CDH18: variants seen among roughly 807,000 people sequenced by gnomAD.
The protein encoded by CDH18 is cadherin 18.
A neutral mutation model predicts 67.9 loss-of-function variants in CDH18; 31 were observed. The ratio of observed to expected loss-of-function variants is 0.46; its 90% CI spans 0.34 to 0.62. CDH18 has a LOEUF of 0.62. Ranked by LOEUF, CDH18 falls within the 20% of genes least tolerant of loss-of-function variation. The pLI is 0.01. For synonymous variants in CDH18, 362 were observed against 347.2 expected (o/e 1.04, Z -0.48); for missense variants, 890 against 975.5 (o/e 0.91, Z 1.17).
At chr5:19,485,669 G>A (rs116286130) in intron 11 of CDH18, among the ~76,000 whole-genome samples, 1,959 of 152,298 alleles carry the variant, frequency 0.013, 41 homozygotes, top group African/African-American at 0.045. Context: ...CCTGACTTTT[G>A]TGGAAGCAGA....
intron 1 of CDH18, among the ~76,000 whole-genome samples, chr5:20,375,645 A>T (rs945693537): frequency 6.6e-6 from 1 of 151,890 alleles, no homozygotes; most frequent in African/African-American, 2.4e-5. Context: ...CTGTCAATTC[A>T]TTTTTTTTAG....
At chr5:20,351,255 T>C (rs1218789480) in intron 1 of CDH18, among the ~76,000 whole-genome samples, 1 of 143,996 alleles carries the variant, frequency 6.9e-6, no homozygotes, top group Non-Finnish European at 1.5e-5. Context: ...GGGGTTGTTT[T>C]TTTTTTTTGT....
rs115055467 is a variant in CDH18, at chr5:20,190,548, C to T, written c.-518+64896G>A. Among the ~76,000 whole-genome samples the T allele has an allele frequency of 2.6e-3, 402 of 152,084 alleles. 4 individuals are homozygous for T. Among genetic ancestry groups the T allele is most frequent in the African/African-American group, 9.2e-3 (383 of 41,488 alleles). Reference sequence around the variant, plus strand: ...TGGATGGTATTTTTTTAATCTATCCCACTACCTAATTTTTCCAGTTGCTGG... The same window carrying T: ...TGGATGGTATTTTTTTAATCTATCCTACTACCTAATTTTTCCAGTTGCTGG... On this transcript the variant is annotated intron_variant, in intron 2 of 14. Coordinates refer to the CDH18 transcript ENST00000507958.
At chr5:19,926,450 A>C (rs2150184570) in intron 2 of CDH18, among the ~76,000 whole-genome samples, 1 of 152,280 alleles carries the variant, frequency 6.6e-6, no homozygotes, top group African/African-American at 2.4e-5. Context: ...AACAGGGACT[A>C]CATGTACTTA....
At chr5:20,187,429 A>T (rs1738188007) in intron 2 of CDH18, among the ~76,000 whole-genome samples, 1 of 151,874 alleles carries the variant, frequency 6.6e-6, no homozygotes. Context: ...TGGGACCAAG[A>T]CATCATTTTC....
intron 5 of CDH18, among the ~76,000 whole-genome samples, chr5:19,695,813 G>C (rs1762465848): frequency 6.6e-6 from 1 of 152,124 alleles, no homozygotes; most frequent in Non-Finnish European, 1.5e-5. Flanking sequence ...TGAGGAGAGT[G>C]ATTAACTTCA....
At chr5:20,019,519 C>T (rs1258598073) in intron 2 of CDH18, among the ~76,000 whole-genome samples, 1 of 152,094 alleles carries the variant, frequency 6.6e-6, no homozygotes, top group Admixed American at 6.6e-5. Flanking sequence ...TGAGTGAGTT[C>T]TCATGAGACC....
At chr5:20,037,249 A>T (rs1204882435) in intron 2 of CDH18, among the ~76,000 whole-genome samples, 1 of 151,980 alleles carries the variant, frequency 6.6e-6, no homozygotes, top group Non-Finnish European at 1.5e-5. Context: ...ACAGCAGCTG[A>T]TACCGGTATT....
At position 19,879,717 on chromosome 5, in the gene CDH18, T is replaced by C. The variant is rs150797625; in HGVS notation, c.-256-40475A>G. 1.0e-3 allele frequency among the ~76,000 whole-genome samples: 154 copies of C among 152,140 alleles called. 1 individual carries two copies. The highest frequency in any genetic ancestry group is 3.4e-3 in the African/African-American group (143 of 41,570). On this transcript the variant is annotated intron_variant, in intron 2 of 12. Coordinates refer to ENST00000382275, the MANE Select transcript of CDH18 (RefSeq NM_004934.5). ...ATATAGGAAATGGGATATGTGTGCATCACAGAGAGATCATAGATATTTAAT... is the reference window on the plus strand; with the variant it reads ...ATATAGGAAATGGGATATGTGTGCACCACAGAGAGATCATAGATATTTAAT...
At chr5:20,551,258 A>C (rs1757617101) in intron 1 of CDH18, among the ~76,000 whole-genome samples, 1 of 150,892 alleles carries the variant, frequency 6.6e-6, no homozygotes, top group Non-Finnish European at 1.5e-5. Flanking sequence ...ATTTTCCTTC[A>C]TGTAAGATAT....
chr5:19,782,275 G>C (rs1303448344), intron 3 of CDH18, among the ~76,000 whole-genome samples: 1 of 152,086 alleles, frequency 6.6e-6, no homozygotes, highest in Non-Finnish European at 1.5e-5. Context: ...AGACACTTAT[G>C]AAACCATCAG....
intron 2 of CDH18, among the ~76,000 whole-genome samples, chr5:19,944,475 C>T (rs897964469): frequency 1.3e-5 from 2 of 152,130 alleles, no homozygotes; most frequent in African/African-American, 4.8e-5. Flanking sequence ...TTTACTGTGA[C>T]TGGCTGAGAA....
chr5:20,565,771 A>AT (rs1758470939), intron 1 of CDH18, among the ~76,000 whole-genome samples: 1 of 150,586 alleles, frequency 6.6e-6, no homozygotes, highest in Non-Finnish European at 1.5e-5. Context: ...AAAAAAAAAA[A>AT]GTTCCAGCAT....
chr5:20,170,192 G>A (rs1336722545), intron 2 of CDH18, among the ~76,000 whole-genome samples: 1 of 128,366 alleles, frequency 7.8e-6, no homozygotes. Flanking sequence ...CCCACCCCCC[G>A]ACAGGCCCCA....
chr5:20,128,838 G>GT (rs149270032), intron 2 of CDH18, among the ~76,000 whole-genome samples: 7,034 of 152,028 alleles, frequency 0.046, 425 homozygotes, highest in East Asian at 0.27. Context: ...GGACACAGCA[G>GT]TTTTTTTCCC....
At chr5:19,789,345 T>C (rs1364299577) in intron 3 of CDH18, among the ~76,000 whole-genome samples, 1 of 152,182 alleles carries the variant, frequency 6.6e-6, no homozygotes, top group African/African-American at 2.4e-5. Flanking sequence ...TTAATGCATA[T>C]GAAGGAATTA....
chr5:20,094,343 C>T lies in CDH18; in HGVS notation c.-517-102329G>A, dbSNP rs375521289. ...CTATATATCTGTTTTGGTACCAGTA[C>T]CATGCTGTTTTGGTTACTGTTGCCT... is the stretch of plus-strand genomic sequence containing the variant. On this transcript the variant is annotated intron_variant, in intron 2 of 14. Transcript: ENST00000507958. Among the ~76,000 whole-genome samples the T allele has an allele frequency of 2.6e-4, 39 of 152,178 alleles. No individual in the cohort carries two copies. The East Asian group carries it at 6.0e-3, about 23-fold the overall frequency.
At chr5:20,468,080 T>C (rs1402070675) in intron 1 of CDH18, among the ~76,000 whole-genome samples, 1 of 152,052 alleles carries the variant, frequency 6.6e-6, no homozygotes, top group Admixed American at 6.6e-5. Context: ...AGTGGTGCAA[T>C]CTCTGTTCAC....
intron 2 of CDH18, among the ~76,000 whole-genome samples, chr5:19,923,933 C>T (rs1426724243): frequency 6.6e-6 from 1 of 152,170 alleles, no homozygotes; most frequent in Admixed American, 6.5e-5. Context: ...CACCCCATCC[C>T]CCGGTGAGAT....
Sources: gnomAD v4.1 joint callset for allele counts (sites outside exome capture counted in the v4.1 genomes callset) on GRCh38, gnomAD v4.1.1 for gene constraint, MANE v1.5 for transcripts, NCBI Gene and HGNC (gene_info 2026-07-23, HGNC 2026-07-21) for gene names.